SFI1: variants seen among roughly 807,000 people sequenced by gnomAD.
SFI1 encodes SFI1 centrin binding protein.
In SFI1, 195 loss-of-function variants were observed where a neutral mutation model predicts 207.5. That is an observed-to-expected ratio of 0.94 (90% CI 0.84 to 1.06). The LOEUF (loss-of-function observed/expected upper bound fraction) is 1.06, where lower values mean the gene tolerates loss of function less well. Among genes scored for constraint, SFI1 ranks in the 50% least tolerant of loss-of-function variants. The pLI is 0.00. For missense variants in SFI1, 1,634 were observed against 1,588.0 expected (o/e 1.03, Z -0.49); for synonymous variants, 630 against 598.9 (o/e 1.05, Z -0.76).
In SFI1 at chr22:31,599,637, A is replaced by T. The variant is rs1226587933; in HGVS notation, c.1545-2575A>T. On this transcript the variant is annotated intron_variant, in intron 15 of 32. Coordinates refer to ENST00000400288, the MANE Select transcript of SFI1 (RefSeq NM_001007467.3). ...GAGCCACCGTGCCTAGCCCAGACTA[A>T]TTTTTTTTTCTAATTTTTTGTAGAA... Among the ~76,000 whole-genome samples the T allele has an allele frequency of 3.4e-5, 5 of 146,736 alleles. No homozygotes were observed. In the East Asian group the frequency reaches 1.0e-3, roughly 30 times the overall value.
intron 8 of SFI1, among the ~76,000 whole-genome samples, chr22:31,572,350 C>T (rs1269115001): frequency 6.6e-6 from 1 of 152,084 alleles, no homozygotes; most frequent in Non-Finnish European, 1.5e-5. Flanking sequence ...AGACCCTTAG[C>T]TTCTATATAT....
At chr22:31,564,980 AT>A (rs71746917) in intron 8 of SFI1, among the ~76,000 whole-genome samples, 8,646 of 141,474 alleles carry the variant, frequency 0.061, 230 homozygotes, top group Non-Finnish European at 0.068. Context: ...CGCCTGGCTA[AT>A]TTTTTTTTTT....
chr22:31,580,354 A>T lies in SFI1; in HGVS notation c.1238A>T (p.His413Leu). 1.9e-6 allele frequency: 3 copies of T among 1,613,594 alleles called. No individual in the cohort carries two copies. Among genetic ancestry groups the T allele is most frequent in the Non-Finnish European group, 2.5e-6 (3 of 1,179,626 alleles). Residue 413 changes from histidine to leucine, a missense_variant, in exon 12 of 33, where the codon CAT becomes CTT. His to Leu is a moderately conservative substitution (Grantham distance 99). Coordinates refer to ENST00000400288, the MANE Select transcript of SFI1 (RefSeq NM_001007467.3). ...AGAAGGAATCTTGCTCACCAGCAGC[A>T]TGGTGTCACGGTGAGGGTTGTCTTC... is the stretch of plus-strand genomic sequence containing the variant. ...QIRRNLAHQQ[H>L]GVTLLHRFWN...
chr22:31,595,992 C>T (rs968437604), intron 15 of SFI1, among the ~76,000 whole-genome samples: 16 of 152,110 alleles, frequency 1.1e-4, no homozygotes, highest in Non-Finnish European at 1.5e-5. Flanking sequence ...GCGGCTCATG[C>T]CTGTAATCCC....
chr22:31,555,244 T>C (rs2061049548), intron 6 of SFI1, among the ~76,000 whole-genome samples: 1 of 152,130 alleles, frequency 6.6e-6, no homozygotes, highest in South Asian at 2.1e-4. Context: ...TCCCAGCACT[T>C]TGGGAGGCTG....
At chr22:31,554,180 G>T (rs11912107) in intron 6 of SFI1, among the ~76,000 whole-genome samples, 1 of 151,874 alleles carries the variant, frequency 6.6e-6, no homozygotes, top group Non-Finnish European at 1.5e-5. Context: ...TCATCTCTAA[G>T]AACTTTGCCT....
intron 15 of SFI1, among the ~76,000 whole-genome samples, chr22:31,595,317 C>T (rs1235448983): frequency 6.6e-6 from 1 of 152,188 alleles, no homozygotes; most frequent in African/African-American, 2.4e-5. Flanking sequence ...AATTATTAAT[C>T]ACTAACTGTA....
rs764187554 is a variant in SFI1 at position 31,613,688 on chromosome 22, C to T, written c.2829C>T (p.Pro943=). The T allele has an allele frequency of 6.2e-7, 1 of 1,611,602 alleles. No homozygotes were observed. Among genetic ancestry groups the T allele is most frequent in the South Asian group, 1.1e-5 (1 of 90,928 alleles). The change falls in exon 27 of 33, where the codon CCC becomes CCT. Residue 943 remains proline (P), a synonymous_variant. Coordinates refer to ENST00000400288, the MANE Select transcript of SFI1 (RefSeq NM_001007467.3). ...TGGGCCGGGGCGGGAAGCCTCAGCC[C>T]CTGGCAGCCATCGCACCCAGCAGGA... ...KVLGRGGKPQ[P]LAAIAPSRKV...
Position 31,505,010 on chromosome 22 carries a change from A to G in SFI1, c.-30-3245A>G, listed in dbSNP as rs148084332. ...GATTTCAGCAAATCTTTTTTGGGGA[A>G]CACAATTCAACCCACAACACTGCTA... On this transcript the variant is annotated intron_variant, in intron 1 of 32. Transcript: ENST00000400288. Among the ~76,000 whole-genome samples the G allele has an allele frequency of 9.7e-3, 1,484 of 152,322 alleles. 8 individuals are homozygous for G. Among genetic ancestry groups the G allele is most frequent in the Middle Eastern group, 0.031 (9 of 294 alleles).
chr22:31,533,527 A>G (rs1026690422), intron 4 of SFI1, among the ~76,000 whole-genome samples: 4 of 152,114 alleles, frequency 2.6e-5, no homozygotes, highest in Admixed American at 1.3e-4. Context: ...ATCTGTCTCA[A>G]AAAAGTTGTA....
At chr22:31,568,494 T>C (rs1386684279) in intron 8 of SFI1, among the ~76,000 whole-genome samples, 2 of 124,580 alleles carry the variant, frequency 1.6e-5, no homozygotes, top group African/African-American at 3.2e-5. Flanking sequence ...TTGTGCCAAC[T>C]GCACTTCAGC....
intron 22 of SFI1, among the ~76,000 whole-genome samples, chr22:31,610,517 C>A (rs958009163): frequency 1.3e-5 from 2 of 152,226 alleles, no homozygotes; most frequent in African/African-American, 4.8e-5. Flanking sequence ...TGCTCTCAAC[C>A]CTGTTCTGTT....
chr22:31,610,747 C>G (rs958040494), intron 22 of SFI1, among the ~76,000 whole-genome samples: 2 of 152,246 alleles, frequency 1.3e-5, no homozygotes, highest in African/African-American at 4.8e-5. Context: ...AGGCTGCCCT[C>G]TCTTCCAAGC....
chr22:31,576,581 A>C lies in SFI1; in HGVS notation c.1084+1189A>C, dbSNP rs1213529192. On this transcript the variant is annotated intron_variant, in intron 10 of 32. Transcript: ENST00000400288. ...AGTGATCCACTTGCCTCGGCCTCTT[A>C]AAGTACTGGGATTACCGGCGTGAGC... Among the ~76,000 whole-genome samples the C allele has an allele frequency of 2.0e-5, 3 of 151,800 alleles. No homozygotes were observed. In the East Asian group the frequency reaches 5.8e-4, roughly 29 times the overall value.
intron 2 of SFI1, among the ~76,000 whole-genome samples, chr22:31,523,661 G>A (rs1281283428): frequency 6.6e-6 from 1 of 150,988 alleles, no homozygotes; most frequent in Non-Finnish European, 1.5e-5. Flanking sequence ...CAAGTGATTT[G>A]CCATAAACTT....
In SFI1 at chr22:31,612,720, A is replaced by G. The variant is rs571782496; in HGVS notation, c.2491-422A>G. ...CTGGATGAGAGTGAGATTCCATCTCAAAAAGAAAAATCAGCATAATATCTT... is the reference window on the plus strand; with the variant it reads ...CTGGATGAGAGTGAGATTCCATCTCGAAAAGAAAAATCAGCATAATATCTT... On this transcript the variant is annotated intron_variant, in intron 24 of 32. Coordinates refer to ENST00000400288, the MANE Select transcript of SFI1 (RefSeq NM_001007467.3). The G allele has an allele frequency of 3.8e-4, 64 of 167,666 alleles. 1 individual carries two copies. The highest frequency in any genetic ancestry group is 3.5e-3 in the South Asian group (22 of 6,360). 10.4% of individuals were successfully genotyped at this position (167,666 alleles called of 1,614,324 possible).
chr22:31,524,173 G>A (rs9609312), intron 2 of SFI1, among the ~76,000 whole-genome samples: 1 of 152,044 alleles, frequency 6.6e-6, no homozygotes, highest in Non-Finnish European at 1.5e-5. Context: ...TTGCACTCCA[G>A]CCTGGGCGAC....
intron 7 of SFI1, chr22:31,559,986 TATAA>T (rs759506298): frequency 1.3e-5 from 5 of 380,140 alleles, no homozygotes; most frequent in Non-Finnish European, 2.5e-5. Context: ...ACCTAAAAAA[TATAA>T]ATAAAGTAAT....
intron 8 of SFI1, among the ~76,000 whole-genome samples, chr22:31,568,138 A>G (rs1313122707): frequency 6.6e-6 from 1 of 150,736 alleles, no homozygotes; most frequent in Non-Finnish European, 1.5e-5. Context: ...AAATATCAAT[A>G]TGGACTCTCT....
Sources: gnomAD v4.1 joint callset for allele counts (sites outside exome capture counted in the v4.1 genomes callset) on GRCh38, gnomAD v4.1.1 for gene constraint, MANE v1.5 for transcripts, NCBI Gene and HGNC (gene_info 2026-07-23, HGNC 2026-07-21) for gene names.